The following SEMA6D variants were observed in gnomAD, a reference collection of about 807,000 sequenced individuals.
SEMA6D encodes the protein semaphorin-6D.
A neutral mutation model predicts 106.6 loss-of-function variants in SEMA6D; 35 were observed. The observed-to-expected ratio is 0.33, with a 90% CI of 0.25 to 0.44. The LOEUF is 0.44. SEMA6D is among the 20% of genes least tolerant of loss of function. The probability of loss-of-function intolerance (pLI) is 1.00; values close to 1 mark genes in which losing one functional copy is unlikely to be tolerated. For synonymous variants in SEMA6D, 499 were observed against 487.7 expected, an observed-to-expected ratio of 1.02 and a Z score of -0.31; for missense variants, 1,185 against 1,345.9, an observed-to-expected ratio of 0.88 and a Z score of 1.87.
At chr15:47,401,229 A>G (rs1043849092) in intron 1 of SEMA6D, among the ~76,000 whole-genome samples, 3 of 152,150 alleles carry the variant, frequency 2.0e-5, no homozygotes, top group Non-Finnish European at 2.9e-5. Flanking sequence ...CAATACAGTC[A>G]TTTTATTTTA....
chr15:47,596,359 A>G (rs993997554), intron 3 of SEMA6D, among the ~76,000 whole-genome samples: 4 of 152,122 alleles, frequency 2.6e-5, no homozygotes, highest in Admixed American at 6.6e-5. Context: ...CATACTACTC[A>G]AAGCAATATA....
At chr15:47,325,029 A>G (rs1226868560) in intron 1 of SEMA6D, among the ~76,000 whole-genome samples, 3 of 152,124 alleles carry the variant, frequency 2.0e-5, no homozygotes, top group Non-Finnish European at 4.4e-5. Context: ...CAATCCTTTG[A>G]TGAAAGTATC....
chr15:47,723,380 C>G (rs1475911725), intron 1 of SEMA6D, among the ~76,000 whole-genome samples: 1 of 152,168 alleles, frequency 6.6e-6, no homozygotes, highest in Non-Finnish European at 1.5e-5. Flanking sequence ...ATTCATCACT[C>G]TCCACCAAAA....
At chr15:47,270,559 T>A (rs182189539) in intron 1 of SEMA6D, among the ~76,000 whole-genome samples, 1 of 152,148 alleles carries the variant, frequency 6.6e-6, no homozygotes, top group Non-Finnish European at 1.5e-5. Context: ...CGGAAAAAAA[T>A]TTAATATTTT....
chr15:47,584,010 CA>C (rs1471404984), intron 3 of SEMA6D, among the ~76,000 whole-genome samples: 1 of 152,196 alleles, frequency 6.6e-6, no homozygotes, highest in African/African-American at 2.4e-5. Context: ...GGCTTATCCA[CA>C]AACACTTCAT....
chr15:47,519,108 A>G (rs1391371490), intron 3 of SEMA6D, among the ~76,000 whole-genome samples: 3 of 152,072 alleles, frequency 2.0e-5, no homozygotes, highest in African/African-American at 7.2e-5. Context: ...AATACAAAAC[A>G]ATAAATAAAT....
chr15:47,435,259 G>T (rs2041664776), intron 2 of SEMA6D, among the ~76,000 whole-genome samples: 1 of 152,136 alleles, frequency 6.6e-6, no homozygotes, highest in Middle Eastern at 3.4e-3. Context: ...TTCCTGTGAG[G>T]TTGCTATTGT....
At chr15:47,678,774 T>C (rs1454786750) in intron 4 of SEMA6D, among the ~76,000 whole-genome samples, 2 of 152,170 alleles carry the variant, frequency 1.3e-5, no homozygotes, top group Admixed American at 6.5e-5. Flanking sequence ...TAATATTTTA[T>C]ATGTATGTAT....
intron 3 of SEMA6D, among the ~76,000 whole-genome samples, chr15:47,525,909 C>G (rs1258074887): frequency 6.6e-6 from 1 of 152,006 alleles, no homozygotes; most frequent in Non-Finnish European, 1.5e-5. Context: ...AATAAAAAAA[C>G]AAAGGCGAAA....
chr15:47,758,132 C>T (rs186462992), intron 1 of SEMA6D, among the ~76,000 whole-genome samples: 69 of 152,270 alleles, frequency 4.5e-4, no homozygotes, highest in African/African-American at 1.6e-3. Context: ...TACTGCTGGA[C>T]TGATCATCCA....
intron 1 of SEMA6D, among the ~76,000 whole-genome samples, chr15:47,344,697 AT>A (rs2144609459): frequency 6.6e-6 from 1 of 152,344 alleles, no homozygotes; most frequent in South Asian, 2.1e-4. Flanking sequence ...GGTCAGTGCA[AT>A]GTTGTACTGG....
intron 2 of SEMA6D, among the ~76,000 whole-genome samples, chr15:47,445,378 A>G (rs2041999893): frequency 6.6e-6 from 1 of 152,086 alleles, no homozygotes; most frequent in Non-Finnish European, 1.5e-5. Flanking sequence ...TGTTATCATT[A>G]TATTATGATA....
At chr15:47,249,544 A>G (rs1046915189) in intron 1 of SEMA6D, among the ~76,000 whole-genome samples, 1 of 151,012 alleles carries the variant, frequency 6.6e-6, no homozygotes, top group African/African-American at 2.4e-5. Flanking sequence ...CCTGGGTTCT[A>G]GGGTTTCTTA....
chr15:47,247,017 A>G (rs1029668206), intron 1 of SEMA6D, among the ~76,000 whole-genome samples: 1 of 152,188 alleles, frequency 6.6e-6, no homozygotes, highest in South Asian at 2.1e-4. Context: ...TTTTAATGTT[A>G]TCAATCTATT....
Position 47,415,590 on chromosome 15 carries a change from T to A in SEMA6D, c.-159+3118T>A, listed in dbSNP as rs2040939281. ...GATTGTTTACAATCCAGGTTTTTTT[T>A]AGCTATTGACCCACAGCCCTCCGCT... On this transcript the variant is annotated intron_variant, in intron 2 of 19. Transcript: ENST00000558014. 2.0e-5 allele frequency among the ~76,000 whole-genome samples: 3 copies of A among 152,160 alleles called. No individual in the cohort carries two copies. The South Asian group carries it at 6.2e-4, about 31-fold the overall frequency.
intron 3 of SEMA6D, among the ~76,000 whole-genome samples, chr15:47,548,060 C>T (rs1351055196): frequency 2.6e-5 from 4 of 152,152 alleles, no homozygotes. Context: ...TTGCCACAAG[C>T]TCTTTGAGAA....
At chr15:47,754,831 C>G (rs2081623439) in intron 1 of SEMA6D, among the ~76,000 whole-genome samples, 2 of 152,064 alleles carry the variant, frequency 1.3e-5, no homozygotes, top group Admixed American at 1.3e-4. Flanking sequence ...CTCCATATTT[C>G]TGTCTGATAA....
intron 3 of SEMA6D, among the ~76,000 whole-genome samples, chr15:47,474,215 G>A (rs1231818760): frequency 6.6e-6 from 1 of 152,120 alleles, no homozygotes; most frequent in African/African-American, 2.4e-5. Context: ...AGAAGCTGAG[G>A]GCTGCCTGAG....
intron 4 of SEMA6D, among the ~76,000 whole-genome samples, chr15:47,659,654 C>T (rs2077876673): frequency 6.6e-6 from 1 of 151,874 alleles, no homozygotes; most frequent in Admixed American, 6.6e-5. Context: ...GAACAAATGA[C>T]AGATTTATAT....
Sources: allele counts gnomAD v4.1 joint callset (sites outside exome capture counted in the v4.1 genomes callset), GRCh38; gene constraint gnomAD v4.1.1; transcripts MANE v1.5; gene names NCBI Gene and HGNC (gene_info 2026-07-23, HGNC 2026-07-21).